Variants in CNTNAP4 observed in about 807,000 individuals in gnomAD.
CNTNAP4 encodes contactin associated protein family member 4.
Under a neutral mutation model 148.4 loss-of-function variants are expected in CNTNAP4, and 98 were observed. The observed-to-expected ratio is 0.66, with a 90% CI of 0.56 to 0.78. The LOEUF is 0.78. Ranked by LOEUF, CNTNAP4 falls within the 30% of genes least tolerant of loss-of-function variation. The pLI is 0.00. For synonymous variants in CNTNAP4, 730 were observed against 565.1 expected (o/e 1.29, Z -4.14); for missense variants, 1,935 against 1,565.6 (o/e 1.24, Z -3.98).
chr16:76,425,301 A>G (rs187165207), intron 3 of CNTNAP4, among the ~76,000 whole-genome samples: 4 of 152,284 alleles, frequency 2.6e-5, no homozygotes, highest in African/African-American at 7.2e-5. Flanking sequence ...CAATTTGCAC[A>G]TTAGCACATG....
chr16:76,434,518 G>T (rs1055766416), intron 4 of CNTNAP4, among the ~76,000 whole-genome samples: 1 of 152,148 alleles, frequency 6.6e-6, no homozygotes, highest in Non-Finnish European at 1.5e-5. Context: ...ACAATAATCC[G>T]CTGTCATTTT....
intron 23 of CNTNAP4, among the ~76,000 whole-genome samples, chr16:76,557,139 G>C (rs961635334): frequency 6.6e-6 from 1 of 152,042 alleles, no homozygotes; most frequent in Non-Finnish European, 1.5e-5. Context: ...AATTCTTTAA[G>C]TATTAGGCAA....
chr16:76,318,981 T>C (rs563372646), intron 2 of CNTNAP4, among the ~76,000 whole-genome samples: 9 of 151,998 alleles, frequency 5.9e-5, no homozygotes, highest in Non-Finnish European at 1.3e-4. Context: ...AGCCAAAGAA[T>C]AGAGCAAAAA....
rs563490601 is a variant in CNTNAP4 at position 76,309,752 on chromosome 16, C to T, written c.86-6661C>T. On this transcript the variant is annotated intron_variant, in intron 1 of 23. Transcript: ENST00000611870. Reference sequence around the variant, plus strand: ...GGAGGTAATTGAATTGGGGTTTGGGCGGAGGGGGTGGTCCGGGCTTTCCCG... The same window carrying T: ...GGAGGTAATTGAATTGGGGTTTGGGTGGAGGGGGTGGTCCGGGCTTTCCCG... 253 of 665,866 alleles carry T rather than the reference C, an allele frequency of 3.8e-4. 1 individual carries two copies. Among genetic ancestry groups the T allele is most frequent in the Admixed American group, 1.1e-3 (52 of 47,570 alleles). The allele number at this position is 665,866 out of a possible 1,614,324, so 41.2% of individuals were successfully genotyped here. A position where few individuals can be genotyped will look rare whatever the true frequency, so the allele number is the denominator to read the frequency against.
intron 8 of CNTNAP4, among the ~76,000 whole-genome samples, chr16:76,460,104 TTTG>T (rs1437367852): frequency 6.6e-6 from 1 of 152,142 alleles, no homozygotes; most frequent in East Asian, 1.9e-4. Flanking sequence ...TTTTGTTTTT[TTTG>T]TTTGTTTGTT....
intron 2 of CNTNAP4, among the ~76,000 whole-genome samples, chr16:76,343,335 T>C (rs1025676361): frequency 6.6e-6 from 1 of 152,190 alleles, no homozygotes; most frequent in African/African-American, 2.4e-5. Context: ...CTTTCCATTA[T>C]ACATTACAAA....
At chr16:76,411,075 A>C (rs1174077725) in intron 3 of CNTNAP4, among the ~76,000 whole-genome samples, 1 of 151,498 alleles carries the variant, frequency 6.6e-6, no homozygotes, top group East Asian at 1.9e-4. Context: ...TATACATTAA[A>C]TAATATATGG....
intron 3 of CNTNAP4, among the ~76,000 whole-genome samples, chr16:76,383,597 T>C (rs1273136918): frequency 6.6e-6 from 1 of 152,094 alleles, no homozygotes; most frequent in African/African-American, 2.4e-5. Context: ...TTAAACAATA[T>C]TGCATACACT....
chr16:76,307,154 A>G (rs1281122919), intron 1 of CNTNAP4, among the ~76,000 whole-genome samples: 2 of 152,206 alleles, frequency 1.3e-5, no homozygotes, highest in African/African-American at 4.8e-5. Context: ...AGCAACTGAA[A>G]CAAATATGTT....
At chr16:76,553,107 A>G (rs2085029695) in intron 21 of CNTNAP4, among the ~76,000 whole-genome samples, 176 bp from the exon 22 acceptor site, 1 of 152,226 alleles carries the variant, frequency 6.6e-6, no homozygotes, top group African/African-American at 2.4e-5. Context: ...AACATTGGAA[A>G]TCTTACCAAT....
At chr16:76,292,560 G>C (rs1449521059) in intron 1 of CNTNAP4, among the ~76,000 whole-genome samples, 1 of 152,168 alleles carries the variant, frequency 6.6e-6, no homozygotes, top group African/African-American at 2.4e-5. Context: ...CAGGTTTTCG[G>C]TTGTAACCAT....
chr16:76,549,168 G>A (rs2144368641), intron 21 of CNTNAP4, among the ~76,000 whole-genome samples: 1 of 152,244 alleles, frequency 6.6e-6, no homozygotes, highest in African/African-American at 2.4e-5. Context: ...GAATCTCAGG[G>A]GGGGATTTGA....
chr16:76,376,071 TGGA>T (rs1410863450), intron 3 of CNTNAP4, among the ~76,000 whole-genome samples: 2 of 143,572 alleles, frequency 1.4e-5, no homozygotes. Flanking sequence ...GAGGAGGAGG[TGGA>T]GGAGGAGAGA....
chr16:76,523,511 T>C (rs2083578092), intron 17 of CNTNAP4, among the ~76,000 whole-genome samples: 1 of 152,216 alleles, frequency 6.6e-6, no homozygotes. Flanking sequence ...TGTTTTACTT[T>C]GAATCTTTGC....
chr16:76,490,394 T>C (rs2082172661), intron 13 of CNTNAP4, among the ~76,000 whole-genome samples: 1 of 152,156 alleles, frequency 6.6e-6, no homozygotes, highest in African/African-American at 2.4e-5. Context: ...CAGAAAACCA[T>C]CTTGACTCTT....
intron 1 of CNTNAP4, among the ~76,000 whole-genome samples, chr16:76,308,851 G>A (rs578250877): frequency 6.6e-6 from 1 of 152,074 alleles, no homozygotes; most frequent in Non-Finnish European, 1.5e-5. Flanking sequence ...TAGAGATGGG[G>A]TCTTGCTCTG....
At chr16:76,372,058 A>C (rs2014884709) in intron 3 of CNTNAP4, among the ~76,000 whole-genome samples, 1 of 152,062 alleles carries the variant, frequency 6.6e-6, no homozygotes, top group Non-Finnish European at 1.5e-5. Context: ...TAATCAACCG[A>C]ATTTCCAATT....
In CNTNAP4 at chr16:76,538,221, A is replaced by T. The variant is rs1480435356; in HGVS notation, c.3101A>T (p.Asp1034Val). 1 of 1,610,654 alleles carries T rather than the reference A, an allele frequency of 6.2e-7. No individual in the cohort carries two copies. The highest frequency in any genetic ancestry group is 2.2e-5 in the East Asian group (1 of 44,636). The change falls in exon 19 of 24, where the codon GAT (aspartate) becomes GTT (valine). Residue 1034 changes from aspartate to valine, a missense_variant. Transcript: ENST00000611870. The stretch of plus-strand genomic sequence containing the variant: ...TCCCACGCTGCTTCATTTCATGGTG[A>T]TATGAAGCTGAGCAGAGAAATGATC... ...SSSHAASFHG[D>V]MKLSREMIKF...
chr16:76,448,850 C>G lies in CNTNAP4; in HGVS notation c.826C>G (p.Leu276Val), dbSNP rs34251012. The change falls in exon 6 of 24, where the codon CTC (leucine) becomes GTC (valine). Residue 276 changes from leucine (L) to valine (V), a missense_variant. Coordinates refer to ENST00000611870, the MANE Select transcript of CNTNAP4 (RefSeq NM_033401.5). Reference sequence around the variant, plus strand: ...AGATGATCAGCATTGGCATTCAGTGCTCATCCAGCGTTTGGGCAAACAAGT... The same window carrying G: ...AGATGATCAGCATTGGCATTCAGTGGTCATCCAGCGTTTGGGCAAACAAGT... Reference protein sequence around the residue: ...LLDDQHWHSVLIQRLGKQVNF... With the variant: ...LLDDQHWHSVVIQRLGKQVNF... The G allele has an allele frequency of 0.022, 36,218 of 1,613,098 alleles. 634 individuals carry two copies. The highest frequency in any genetic ancestry group is 0.059 in the African/African-American group (4,460 of 74,996).
Sources: gnomAD v4.1 joint callset for allele counts (sites outside exome capture counted in the v4.1 genomes callset) on GRCh38, gnomAD v4.1.1 for gene constraint, MANE v1.5 for transcripts, NCBI Gene and HGNC (gene_info 2026-07-23, HGNC 2026-07-21) for gene names.